Variants in CPA5 observed in about 807,000 individuals in gnomAD.
CPA5 encodes the protein carboxypeptidase A5.
CPA5 carries 38 observed loss-of-function variants against 52.2 expected under a neutral mutation model. The ratio of observed to expected loss-of-function variants is 0.73; its 90% CI spans 0.56 to 0.95. The LOEUF (loss-of-function observed/expected upper bound fraction) is 0.95. Among genes scored for constraint, CPA5 ranks in the 40% least tolerant of loss-of-function variants. The probability of loss-of-function intolerance (pLI) is 0.00; values close to 1 mark genes in which losing one functional copy is unlikely to be tolerated. For synonymous variants in CPA5, 198 were observed against 213.7 expected, an observed-to-expected ratio of 0.93 and a Z score of 0.64; for missense variants, 519 against 566.7, an observed-to-expected ratio of 0.92 and a Z score of 0.86.
At chr7:130,362,297 T>C in intron 7 of CPA5, 141 bp from the exon 8 acceptor site, 1 of 553,806 alleles carries the variant, frequency 1.8e-6, no homozygotes, top group Non-Finnish European at 3.3e-6. Flanking sequence ...CATGGACAGG[T>C]ACCTGCACAC....
intron 4 of CPA5, among the ~76,000 whole-genome samples, chr7:130,349,610 T>C (rs184822959): frequency 2.6e-4 from 40 of 152,288 alleles, no homozygotes; most frequent in Admixed American, 6.5e-4. Context: ...AAAGAATACG[T>C]GCTTGAGTGA....
chr7:130,370,982 G>A (rs1431365946), downstream of CPA5, among the ~76,000 whole-genome samples: 1 of 152,340 alleles, frequency 6.6e-6, no homozygotes, highest in Non-Finnish European at 1.5e-5. Flanking sequence ...CTGCCACAGA[G>A]GGAGGCCAGT....
chr7:130,350,178 G>T, intron 5 of CPA5, 69 bp downstream of exon 5: 1 of 1,521,974 alleles, frequency 6.6e-7, no homozygotes, highest in Non-Finnish European at 8.9e-7. Context: ...ACATGGAGGA[G>T]ATGTTCTCGG....
At position 130,347,857 on chromosome 7, in the gene CPA5, C is replaced by A. The variant is rs781931987; in HGVS notation, c.198+10C>A. ...CCTGAAACCCCAGAAGGTGAGGACT[C>A]CTCAGGCTTGAGGACAACCCCACCC... On this transcript the variant is annotated intron_variant, in intron 4 of 12. Transcript: ENST00000474905. The A allele has an allele frequency of 1.2e-6, 2 of 1,612,090 alleles. No individual in the cohort carries two copies. The highest frequency in any genetic ancestry group is 1.1e-5 in the South Asian group (1 of 90,860).
At chr7:130,367,829 C>A in intron 11 of CPA5, 77 bp from the exon 12 acceptor site, 2 of 1,268,576 alleles carry the variant, frequency 1.6e-6, no homozygotes, top group Non-Finnish European at 2.3e-6. Context: ...ATGCTTCTCA[C>A]CAGCTGGTGA....
At position 130,346,393 on chromosome 7, in the gene CPA5, G is replaced by T. The variant is rs1022169696; in HGVS notation, c.-93G>T. 3 of 891,514 alleles carry T rather than the reference G, an allele frequency of 3.4e-6. No individual in the cohort carries two copies. Among genetic ancestry groups the T allele is most frequent in the Non-Finnish European group, 5.2e-6 (3 of 578,772 alleles). The allele number at this position is 891,514 out of a possible 1,614,324, so 55.2% of individuals were successfully genotyped here. On this transcript the variant is annotated splice_region_variant and 5_prime_UTR_variant, in exon 3 of 13. Transcript: ENST00000474905. The stretch of plus-strand genomic sequence containing the variant: ...CAGACAGCCTAATGCTCTTTCTCAG[G>T]CTGGGCTTTCCAGCCTCTAGGTGCT...
In CPA5 at chr7:130,347,910, C is replaced by A; in HGVS notation, c.198+63C>A. On this transcript the variant is annotated intron_variant, in intron 4 of 12. Coordinates refer to ENST00000474905, the MANE Select transcript of CPA5 (RefSeq NM_080385.5). ...TCCTCAGTGGCTCACACATTTAGCTCCTTGTCCTGCCCCCCTTTATCCCAA... is the reference window on the plus strand; with the variant it reads ...TCCTCAGTGGCTCACACATTTAGCTACTTGTCCTGCCCCCCTTTATCCCAA... 4 of 1,310,324 alleles carry A rather than the reference C, an allele frequency of 3.1e-6. No homozygotes were observed. In the South Asian group the frequency reaches 3.7e-5, roughly 12 times the overall value. The allele number at this position is 1,310,324 out of a possible 1,614,324, so 81.2% of individuals were successfully genotyped here.
intron 5 of CPA5, 64 bp from the exon 6 acceptor site, chr7:130,359,525 T>C: frequency 8.3e-7 from 1 of 1,211,142 alleles, no homozygotes; most frequent in Non-Finnish European, 1.2e-6. Flanking sequence ...GAGGCAGGGC[T>C]CAGAAGAGGC....
chr7:130,361,499 C>T (rs1343017352), intron 7 of CPA5, among the ~76,000 whole-genome samples: 2 of 152,112 alleles, frequency 1.3e-5, no homozygotes, highest in Non-Finnish European at 2.9e-5. Context: ...GGAGTTGGGG[C>T]TGCAGATTGG....
intron 5 of CPA5, among the ~76,000 whole-genome samples, chr7:130,358,649 C>T (rs1014493836): frequency 5.3e-5 from 8 of 152,318 alleles, no homozygotes; most frequent in East Asian, 1.9e-4. Context: ...CTGTGGCAGA[C>T]GACCTGAGTA....
chr7:130,363,340 C>G, intron 9 of CPA5, 79 bp from the exon 10 acceptor site: 1 of 1,238,240 alleles, frequency 8.1e-7, no homozygotes, highest in Non-Finnish European at 1.2e-6. Flanking sequence ...TCCCCTACCC[C>G]CATAGGCCAG....
At chr7:130,368,227 T>G (rs1796209414) in intron 12 of CPA5, among the ~76,000 whole-genome samples, 183 bp from the exon 13 acceptor site, 1 of 152,124 alleles carries the variant, frequency 6.6e-6, no homozygotes, top group Admixed American at 6.5e-5. Flanking sequence ...TTTGCAGGAG[T>G]AGAGAATGGG....
chr7:130,370,130 G>A (rs1465424847), downstream of CPA5, among the ~76,000 whole-genome samples: 3 of 152,264 alleles, frequency 2.0e-5, no homozygotes, highest in Non-Finnish European at 2.9e-5. Context: ...ACCTGGGGCT[G>A]TGCAGCCAGT....
At position 130,346,433 on chromosome 7, in the gene CPA5, C is replaced by A; in HGVS notation, c.-53C>A. The A allele has an allele frequency of 7.3e-7, 1 of 1,368,218 alleles. No individual in the cohort carries two copies. Among genetic ancestry groups the A allele is most frequent in the Non-Finnish European group, 1.0e-6 (1 of 967,936 alleles). The allele number at this position is 1,368,218 out of a possible 1,614,324, so 84.8% of individuals were successfully genotyped here. A position where few individuals can be genotyped will look rare whatever the true frequency, so the allele number is the denominator to read the frequency against. On this transcript the variant is annotated 5_prime_UTR_variant, in exon 3 of 13. Coordinates refer to ENST00000474905, the MANE Select transcript of CPA5 (RefSeq NM_080385.5). ...CTCTAGGTGCTGTGCTGTCCTGAGGCCTGGGCCATGGTGCCCAAGGAAAGC... is the reference window on the plus strand; with the variant it reads ...CTCTAGGTGCTGTGCTGTCCTGAGGACTGGGCCATGGTGCCCAAGGAAAGC...
rs782609284 is a variant in CPA5 at position 130,367,562 on chromosome 7, G to C, written c.1029G>C (p.Gln343His). The change falls in exon 11 of 13, where the codon CAG becomes CAC. Residue 343 changes from glutamine to histidine, a missense_variant. Gln to His is a conservative substitution (Grantham distance 24). Coordinates refer to ENST00000474905, the MANE Select transcript of CPA5 (RefSeq NM_080385.5). ...GATTGCTGGAGCCCGTTTCAAATCA[G>C]AGGGAGTTGGTGAGACTGGCTGCTT... The part of the protein sequence containing the change: ...YGRLLEPVSN[Q>H]RELYDLAKDA... 43 of 1,613,820 alleles carry C rather than the reference G, an allele frequency of 2.7e-5. No homozygotes were observed. The highest frequency in any genetic ancestry group is 3.5e-5 in the Non-Finnish European group (41 of 1,179,850).
At chr7:130,345,690 C>T (rs1434671706) in intron 1 of CPA5, 149 bp from the exon 2 acceptor site, 3 of 152,226 alleles carry the variant, frequency 2.0e-5, no homozygotes, top group African/African-American at 7.2e-5. Flanking sequence ...GATTGAATTC[C>T]TTCTCATACA....
At chr7:130,367,877 C>G in intron 11 of CPA5, 29 bp from the exon 12 acceptor site, 1 of 1,601,322 alleles carries the variant, frequency 6.2e-7, no homozygotes, top group Non-Finnish European at 8.6e-7. Flanking sequence ...GGAGCCCCTG[C>G]CTTTCACCCC....
intron 9 of CPA5, among the ~76,000 whole-genome samples, 199 bp from the exon 10 acceptor site, chr7:130,363,220 A>T (rs1795890822): frequency 6.6e-6 from 1 of 152,128 alleles, no homozygotes; most frequent in Non-Finnish European, 1.5e-5. Flanking sequence ...CTCTCCCTAG[A>T]CCCTGACTTC....
chr7:130,365,656 T>C (rs1796038469), intron 10 of CPA5, among the ~76,000 whole-genome samples: 1 of 152,240 alleles, frequency 6.6e-6, no homozygotes. Context: ...CCAATTCCCA[T>C]TTGGCCAGGG....
Sources: allele counts gnomAD v4.1 joint callset (sites outside exome capture counted in the v4.1 genomes callset), GRCh38; gene constraint gnomAD v4.1.1; transcripts MANE v1.5; gene names NCBI Gene and HGNC (gene_info 2026-07-23, HGNC 2026-07-21).